Variants in TENM4 observed in about 807,000 individuals in gnomAD.
TENM4 encodes teneurin transmembrane protein 4.
A neutral mutation model predicts 243.3 loss-of-function variants in TENM4; 82 were observed. That is an observed-to-expected ratio of 0.34 (90% CI 0.28 to 0.40). The LOEUF (loss-of-function observed/expected upper bound fraction) is 0.40, where lower values mean the gene tolerates loss of function less well. Among genes scored for constraint, TENM4 ranks in the 10% least tolerant of loss-of-function variants. The pLI is 1.00. For missense variants in TENM4, 3,138 were observed against 3,673.3 expected (o/e 0.85, Z 3.77); for synonymous variants, 1,412 against 1,456.3 (o/e 0.97, Z 0.69).
At chr11:78,720,287 A>T (rs1451173402) in intron 25 of TENM4, 83 bp downstream of exon 25, 15 of 1,499,566 alleles carry the variant, frequency 1.0e-5, no homozygotes, top group Admixed American at 1.7e-5. Flanking sequence ...CCATACAGCC[A>T]TTTGAAATTG....
chr11:78,801,312 C>T (rs1182046043), intron 15 of TENM4, among the ~76,000 whole-genome samples: 3 of 152,158 alleles, frequency 2.0e-5, no homozygotes, highest in Non-Finnish European at 4.4e-5. Flanking sequence ...GTATCATCCT[C>T]ACAAGTGACT....
chr11:78,862,932 C>T (rs904921384), intron 10 of TENM4, 30 bp downstream of exon 10: 23 of 1,389,284 alleles, frequency 1.7e-5, no homozygotes, highest in Non-Finnish European at 2.2e-5. Context: ...ACACAGAGGA[C>T]TCACAACACG....
chr11:78,768,343 C>A (rs11237611), intron 18 of TENM4, among the ~76,000 whole-genome samples: 1 of 152,286 alleles, frequency 6.6e-6, no homozygotes, highest in South Asian at 2.1e-4. Flanking sequence ...TGATGACCCA[C>A]GGGATGTCTT....
intron 17 of TENM4, among the ~76,000 whole-genome samples, chr11:78,776,434 A>C (rs748167302): frequency 6.6e-6 from 1 of 152,142 alleles, no homozygotes; most frequent in Non-Finnish European, 1.5e-5. Context: ...CAGGGACCAT[A>C]TCTGTTATGT....
chr11:79,231,608 C>A lies in TENM4; in HGVS notation c.-264-15699G>T, dbSNP rs1001733856. Among the ~76,000 whole-genome samples, 5 of 152,330 alleles carry A rather than the reference C, an allele frequency of 3.3e-5. No homozygotes were observed. The East Asian group carries it at 9.6e-4, about 29-fold the overall frequency. ...AGCCAAGTTATTCAACATCTCTGCG[C>A]TTCTGATGTCCTTATCTGTCAAATA... is the stretch of plus-strand genomic sequence containing the variant. On this transcript the variant is annotated intron_variant, in intron 2 of 33. Transcript: ENST00000278550.
At position 78,768,493 on chromosome 11, in the gene TENM4, TTC is replaced by T. The variant is rs150726919; in HGVS notation, c.2539+2497_2539+2498del. Among the ~76,000 whole-genome samples the T allele has an allele frequency of 9.7e-3, 1,473 of 152,248 alleles. 11 individuals are homozygous for T. Among genetic ancestry groups the T allele is most frequent in the Middle Eastern group, 0.017 (5 of 294 alleles). ...CCACTGCATTGCAATTACTTGCTGT[TTC>T]TCTCTCTCTCTAGATTGTGACCTTC... On this transcript the variant is annotated intron_variant, in intron 18 of 33. Coordinates refer to ENST00000278550, the MANE Select transcript of TENM4 (RefSeq NM_001098816.3).
chr11:79,309,526 T>C (rs765329667), intron 1 of TENM4, among the ~76,000 whole-genome samples: 1 of 152,242 alleles, frequency 6.6e-6, no homozygotes, highest in African/African-American at 2.4e-5. Context: ...ATCGTGCTCA[T>C]AGCACATCAA....
At chr11:79,378,654 T>G (rs1857938877) in intron 1 of TENM4, among the ~76,000 whole-genome samples, 2 of 152,038 alleles carry the variant, frequency 1.3e-5, no homozygotes, top group Non-Finnish European at 2.9e-5. Flanking sequence ...ACTAATGAAC[T>G]GAGAGGCACA....
chr11:79,381,406 C>G (rs1286986464), intron 1 of TENM4, among the ~76,000 whole-genome samples: 1 of 151,742 alleles, frequency 6.6e-6, no homozygotes, highest in Non-Finnish European at 1.5e-5. Flanking sequence ...CTAAAATGCT[C>G]CAAGGCTCCT....
chr11:79,414,919 C>T (rs1224302979), intron 1 of TENM4, among the ~76,000 whole-genome samples: 6 of 152,168 alleles, frequency 3.9e-5, no homozygotes, highest in East Asian at 1.9e-4. Flanking sequence ...CATTTAGACA[C>T]GGCCTCAGCT....
intron 16 of TENM4, among the ~76,000 whole-genome samples, chr11:78,780,016 G>GC (rs1253290124): frequency 6.6e-6 from 1 of 152,186 alleles, no homozygotes; most frequent in East Asian, 1.9e-4. Context: ...AGCCTGCACA[G>GC]CCAAGTGGAA....
intron 1 of TENM4, among the ~76,000 whole-genome samples, chr11:79,386,265 T>C (rs1371083090): frequency 6.6e-6 from 1 of 152,016 alleles, no homozygotes; most frequent in Non-Finnish European, 1.5e-5. Context: ...AAAAATCAAT[T>C]CCAAATGGGC....
At chr11:79,047,051 C>A (rs1859676195) in intron 6 of TENM4, among the ~76,000 whole-genome samples, 1 of 152,164 alleles carries the variant, frequency 6.6e-6, no homozygotes, top group Admixed American at 6.5e-5. Flanking sequence ...TAAACCATGG[C>A]TTTGCCAAGA....
intron 6 of TENM4, among the ~76,000 whole-genome samples, chr11:78,923,693 C>CTTTTTT (rs1172776088): frequency 0.039 from 2,112 of 53,644 alleles, 480 homozygotes; most frequent in Non-Finnish European, 0.053. Context: ...ATGCACCTGG[C>CTTTTTT]TTTTTTTTTT....
intron 6 of TENM4, among the ~76,000 whole-genome samples, chr11:78,925,329 A>ATG (rs776080994): frequency 6.6e-6 from 1 of 151,102 alleles, no homozygotes; most frequent in East Asian, 1.9e-4. Context: ...GTGTGTATGT[A>ATG]TGTGTGTGTG....
chr11:78,970,352 G>A (rs1001718945), intron 6 of TENM4, among the ~76,000 whole-genome samples: 3 of 152,250 alleles, frequency 2.0e-5, no homozygotes, highest in Non-Finnish European at 1.5e-5. Flanking sequence ...ACTTTTGAAA[G>A]CATTTCAAAG....
intron 2 of TENM4, among the ~76,000 whole-genome samples, chr11:79,277,074 A>G (rs979984475): frequency 6.6e-5 from 10 of 152,146 alleles, no homozygotes; most frequent in African/African-American, 2.4e-4. Context: ...TCTTCTGCTT[A>G]CAGTAAGGAG....
At chr11:78,985,493 G>T (rs756891403) in intron 6 of TENM4, among the ~76,000 whole-genome samples, 1 of 151,970 alleles carries the variant, frequency 6.6e-6, no homozygotes, top group Non-Finnish European at 1.5e-5. Context: ...ATAGTTTAAA[G>T]CCATTTTGAT....
At chr11:78,933,111 A>G (rs1856707049) in intron 6 of TENM4, among the ~76,000 whole-genome samples, 2 of 152,244 alleles carry the variant, frequency 1.3e-5, no homozygotes, top group Middle Eastern at 6.8e-3. Context: ...AGCACAACCT[A>G]TAAATTTGAA....
Sources: allele counts gnomAD v4.1 joint callset (sites outside exome capture counted in the v4.1 genomes callset), GRCh38; gene constraint gnomAD v4.1.1; transcripts MANE v1.5; gene names NCBI Gene and HGNC (gene_info 2026-07-23, HGNC 2026-07-21).